Variants in TNS3 observed in about 807,000 individuals in gnomAD.
TNS3 encodes tensin-3.
A neutral mutation model predicts 140.9 loss-of-function variants in TNS3; 45 were observed. That is an observed-to-expected ratio of 0.32 (90% CI 0.25 to 0.41). The LOEUF (loss-of-function observed/expected upper bound fraction) is 0.41, where lower values mean the gene tolerates loss of function less well. TNS3 is among the 10% of genes least tolerant of loss of function. The pLI, the probability that TNS3 is intolerant of heterozygous loss-of-function variation, is 1.00. For missense variants in TNS3, 1,716 were observed against 1,906.7 expected (o/e 0.90, Z 1.86); for synonymous variants, 815 against 788.4 (o/e 1.03, Z -0.56).
In TNS3 at chr7:47,515,325, A is replaced by G. The variant is rs552896382; in HGVS notation, c.-152-8381T>C. ...TGCCCCTAACCCTTCTCCATCTATC[A>G]TCACCATCAGTATCATCACGATCAG... On this transcript the variant is annotated intron_variant, in intron 2 of 30. Transcript: ENST00000311160. Among the ~76,000 whole-genome samples the G allele has an allele frequency of 2.0e-5, 3 of 152,262 alleles. No homozygotes were observed. The South Asian group carries it at 6.2e-4, about 32-fold the overall frequency.
intron 2 of TNS3, among the ~76,000 whole-genome samples, chr7:47,521,444 T>C (rs567776511): frequency 6.6e-6 from 1 of 152,192 alleles, no homozygotes; most frequent in Non-Finnish European, 1.5e-5. Context: ...GGGACGGAGG[T>C]GTCTGCCCTG....
intron 10 of TNS3, among the ~76,000 whole-genome samples, chr7:47,420,402 G>C (rs1243165727): frequency 1.3e-5 from 2 of 152,206 alleles, no homozygotes; most frequent in Non-Finnish European, 2.9e-5. Context: ...GCAGGCTCCA[G>C]GGAGACACAA....
chr7:47,393,927 C>A (rs1395225206), intron 16 of TNS3, among the ~76,000 whole-genome samples: 3 of 152,056 alleles, frequency 2.0e-5, no homozygotes, highest in Non-Finnish European at 2.9e-5. Context: ...CAATGCCAGA[C>A]CTTCTCTACT....
chr7:47,482,342 T>C (rs375201222), intron 3 of TNS3, among the ~76,000 whole-genome samples: 1 of 152,294 alleles, frequency 6.6e-6, no homozygotes, highest in East Asian at 1.9e-4. Flanking sequence ...CACATGGCCG[T>C]TCCTGTGTCT....
intron 16 of TNS3, among the ~76,000 whole-genome samples, chr7:47,372,083 T>C (rs549077020): frequency 1.3e-5 from 2 of 152,356 alleles, no homozygotes; most frequent in Admixed American, 1.3e-4. Flanking sequence ...GGTAAATCCT[T>C]CCTGCTGTTT....
At chr7:47,358,219 CCT>C (rs1790110177) in intron 17 of TNS3, among the ~76,000 whole-genome samples, 1 of 152,078 alleles carries the variant, frequency 6.6e-6, no homozygotes, top group African/African-American at 2.4e-5. Context: ...CTCACTGAAA[CCT>C]CTGTCTCCCC....
chr7:47,347,284 C>G lies in TNS3; in HGVS notation c.2282-928G>C, dbSNP rs553767647. 5.3e-5 allele frequency among the ~76,000 whole-genome samples: 8 copies of G among 152,232 alleles called. No individual in the cohort carries two copies. The South Asian group carries it at 1.7e-3, about 32-fold the overall frequency. On this transcript the variant is annotated intron_variant, in intron 17 of 30. Transcript: ENST00000311160. ...GGCTCCTCTTAGAATGACTTTGTTC[C>G]AAATTGGTTGATGGCCACCCTCCAA...
intron 4 of TNS3, among the ~76,000 whole-genome samples, chr7:47,468,442 A>AAAATAAATAAATAAAT (rs58936286): frequency 3.8e-4 from 58 of 151,124 alleles, no homozygotes; most frequent in African/African-American, 1.4e-3. Flanking sequence ...ATCTGTCTCA[A>AAAATAAATAAATAAAT]AAATAAATAA....
intron 1 of TNS3, among the ~76,000 whole-genome samples, chr7:47,532,459 G>A (rs1799444121): frequency 6.6e-6 from 1 of 152,150 alleles, no homozygotes; most frequent in Non-Finnish European, 1.5e-5. Flanking sequence ...GCACAGAGGA[G>A]CTACCCTCTC....
chr7:47,476,603 A>T (rs558927208), intron 4 of TNS3, among the ~76,000 whole-genome samples: 1 of 152,296 alleles, frequency 6.6e-6, no homozygotes, highest in East Asian at 1.9e-4. Flanking sequence ...TGCCTCTGAC[A>T]TCCCTCCAAA....
chr7:47,344,824 G>T lies in TNS3; in HGVS notation c.2581C>A (p.Arg861Ser), dbSNP rs567120799. The T allele has an allele frequency of 2.5e-6, 4 of 1,613,790 alleles. 1 individual carries two copies. In the Admixed American group the frequency reaches 6.7e-5, roughly 27 times the overall value. The change falls in exon 20 of 31, where the codon CGC becomes AGC. Residue 861 changes from arginine (R) to serine (S), a missense_variant. This residue lies in a region of TNS3 where 1,163 missense variants were observed against 1,182.1 expected (regional missense o/e 0.98). Coordinates refer to ENST00000311160, the MANE Select transcript of TNS3 (RefSeq NM_022748.12). ...PETPYVKTAL[R>S]HPPFSPPEPP... ...TCAGGTGGGCTGAACGGAGGATGGC[G>T]CAGCGCTGTTTTCACTGGAAAAGAA...
At chr7:47,297,590 C>T (rs1176863896) in intron 23 of TNS3, among the ~76,000 whole-genome samples, 2 of 152,048 alleles carry the variant, frequency 1.3e-5, no homozygotes, top group African/African-American at 4.8e-5. Context: ...CACCTGACAG[C>T]CCAGGAAACC....
intron 20 of TNS3, among the ~76,000 whole-genome samples, chr7:47,316,708 G>A (rs964277540): frequency 6.7e-6 from 1 of 150,192 alleles, no homozygotes; most frequent in African/African-American, 2.5e-5. Flanking sequence ...AACCCGGGAG[G>A]TGGAGGTTGC....
chr7:47,363,359 T>G (rs1790506154), intron 17 of TNS3, among the ~76,000 whole-genome samples: 1 of 151,490 alleles, frequency 6.6e-6, no homozygotes, highest in African/African-American at 2.4e-5. Flanking sequence ...AGCACCACTA[T>G]TATTATTATG....
At chr7:47,465,447 C>A (rs77368890) in intron 4 of TNS3, among the ~76,000 whole-genome samples, 1 of 152,316 alleles carries the variant, frequency 6.6e-6, no homozygotes, top group East Asian at 1.9e-4. Flanking sequence ...CTGCGCCCTG[C>A]ACAATGCCCC....
chr7:47,279,952 T>C (rs924978024), intron 30 of TNS3: 10 of 618,888 alleles, frequency 1.6e-5, no homozygotes, highest in African/African-American at 5.6e-5. Flanking sequence ...CATGTAAATA[T>C]TGCACATCCA....
chr7:47,554,581 T>C (rs566236160), intron 1 of TNS3, among the ~76,000 whole-genome samples: 1 of 152,294 alleles, frequency 6.6e-6, no homozygotes, highest in East Asian at 1.9e-4. Context: ...GTTCAAGACT[T>C]CAGTGAAGAA....
chr7:47,564,656 AAAAC>A (rs1330203895), intron 1 of TNS3, among the ~76,000 whole-genome samples: 6 of 148,920 alleles, frequency 4.0e-5, no homozygotes, highest in Non-Finnish European at 6.0e-5. Context: ...AAAACAAAAA[AAAAC>A]AAAAAAAGAC....
At chr7:47,286,497 C>A (rs1202062177) in intron 27 of TNS3, among the ~76,000 whole-genome samples, 1 of 152,138 alleles carries the variant, frequency 6.6e-6, no homozygotes, top group Admixed American at 6.5e-5. Flanking sequence ...CATCCAATGC[C>A]ACTTGACAGG....
Sources: gnomAD v4.1 joint callset for allele counts (sites outside exome capture counted in the v4.1 genomes callset) on GRCh38, gnomAD v4.1.1 for gene constraint, gnomAD v4.1.1 regional missense constraint, MANE v1.5 for transcripts, NCBI Gene and HGNC (gene_info 2026-07-23, HGNC 2026-07-21) for gene names.